The following DPP6 variants were observed in gnomAD, a reference collection of about 807,000 sequenced individuals.
DPP6 encodes the protein dipeptidyl peptidase like 6, also known as A-type potassium channel modulatory protein DPP6.
Under a neutral mutation model 122.6 loss-of-function variants are expected in DPP6, and 69 were observed. The observed-to-expected ratio is 0.56, with a 90% confidence interval of 0.46 to 0.69. DPP6 has a LOEUF of 0.69. Among genes scored for constraint, DPP6 ranks in the 30% least tolerant of loss-of-function variants. DPP6 has a pLI of 0.00. For synonymous variants in DPP6, 418 were observed against 433.1 expected, an observed-to-expected ratio of 0.97 and a Z score of 0.43; for missense variants, 928 against 1,116.9, an observed-to-expected ratio of 0.83 and a Z score of 2.41.
chr7:154,186,586 C>T (rs1204854277), intron 1 of DPP6, among the ~76,000 whole-genome samples: 3 of 152,190 alleles, frequency 2.0e-5, no homozygotes, highest in African/African-American at 7.2e-5. Context: ...GACTTGGGGT[C>T]CCAAGCTAGT....
At chr7:154,627,449 C>T (rs1162802818) in intron 5 of DPP6, among the ~76,000 whole-genome samples, 7 of 151,998 alleles carry the variant, frequency 4.6e-5, no homozygotes, top group African/African-American at 9.6e-5. Context: ...CCACCTGCCT[C>T]GGCCTCCCAA....
intron 3 of DPP6, among the ~76,000 whole-genome samples, chr7:154,512,921 A>G (rs1049882249): frequency 6.6e-6 from 1 of 152,206 alleles, no homozygotes. Flanking sequence ...AGACTAGACG[A>G]TGGCTTTCTT....
At chr7:153,833,440 G>A in the DPP6 span, among the ~76,000 whole-genome samples, 5 of 152,274 alleles carry the variant, frequency 3.3e-5, no homozygotes, top group East Asian at 3.9e-4. Flanking sequence ...TTGGGAGGCT[G>A]AGGCGGGCGG....
chr7:154,416,686 CA>C (rs200105914), intron 1 of DPP6, among the ~76,000 whole-genome samples: 914 of 38,058 alleles, frequency 0.024, 10 homozygotes, highest in African/African-American at 0.046. Context: ...CACCAAGGAT[CA>C]GGGGAGCAAT....
intron 1 of DPP6, among the ~76,000 whole-genome samples, chr7:154,011,176 C>A (rs191578741): frequency 1.6e-3 from 240 of 152,328 alleles, no homozygotes; most frequent in Non-Finnish European, 3.0e-3. Context: ...AAATTACTCC[C>A]TTAACCCAGC....
chr7:154,076,633 A>G (rs1230668959), intron 1 of DPP6, among the ~76,000 whole-genome samples: 1 of 150,422 alleles, frequency 6.6e-6, no homozygotes, highest in South Asian at 2.2e-4. Context: ...GAAATACAGG[A>G]TGCGTACCAA....
intron 16 of DPP6, among the ~76,000 whole-genome samples, chr7:154,839,979 G>T (rs974539912): frequency 2.0e-5 from 3 of 152,176 alleles, no homozygotes; most frequent in Non-Finnish European, 2.9e-5. Context: ...GAGATGGGAG[G>T]TATTTAGCAG....
chr7:153,937,174 C>T (rs1359290413), intron 1 of DPP6, among the ~76,000 whole-genome samples: 2 of 152,128 alleles, frequency 1.3e-5, no homozygotes, highest in African/African-American at 4.8e-5. Flanking sequence ...AGTTCTAGGG[C>T]CACCCTTAGG....
chr7:154,294,219 C>T (rs1805389782), intron 1 of DPP6, among the ~76,000 whole-genome samples: 1 of 152,150 alleles, frequency 6.6e-6, no homozygotes, highest in Non-Finnish European at 1.5e-5. Flanking sequence ...GTAACAAGCA[C>T]TTCCCATAAG....
chr7:153,879,155 A>G, the DPP6 span, among the ~76,000 whole-genome samples: 1 of 152,130 alleles, frequency 6.6e-6, no homozygotes, highest in Non-Finnish European at 1.5e-5. Flanking sequence ...ATATCTCTAG[A>G]TGAATGCACT....
At chr7:154,193,559 C>T (rs922198758) in intron 1 of DPP6, among the ~76,000 whole-genome samples, 8 of 152,006 alleles carry the variant, frequency 5.3e-5, no homozygotes, top group African/African-American at 1.4e-4. Flanking sequence ...GTCTCAGGAC[C>T]GCAGGGCCAG....
At chr7:153,892,560 C>T (rs753310617) in intron 1 of DPP6, among the ~76,000 whole-genome samples, 15 of 152,206 alleles carry the variant, frequency 9.9e-5, no homozygotes, top group Non-Finnish European at 1.6e-4. Context: ...GTGGTCTGCC[C>T]GTCTCGGCCC....
At chr7:154,047,022 CG>C in intron 1 of DPP6, among the ~76,000 whole-genome samples, 1 of 150,664 alleles carries the variant, frequency 6.6e-6, no homozygotes, top group East Asian at 1.9e-4. Context: ...CAGGAAAAGA[CG>C]TTGCATTTGA....
At chr7:153,984,206 G>C (rs1796730259) in intron 1 of DPP6, among the ~76,000 whole-genome samples, 2 of 152,106 alleles carry the variant, frequency 1.3e-5, no homozygotes, top group South Asian at 2.1e-4. Flanking sequence ...TATCTCAATT[G>C]TTAGGTCAGA....
At chr7:154,188,011 A>G (rs1423634536) in intron 1 of DPP6, among the ~76,000 whole-genome samples, 3 of 152,034 alleles carry the variant, frequency 2.0e-5, no homozygotes, top group Non-Finnish European at 4.4e-5. Context: ...TCTGGCTCCA[A>G]CATTCCGTAC....
intron 16 of DPP6, among the ~76,000 whole-genome samples, chr7:154,834,556 A>G (rs1209747708): frequency 6.6e-6 from 1 of 152,202 alleles, no homozygotes; most frequent in Non-Finnish European, 1.5e-5. Flanking sequence ...AAGAACTGCA[A>G]AGAGCATCTA....
intron 1 of DPP6, among the ~76,000 whole-genome samples, chr7:154,300,606 A>AG (rs1486828608): frequency 3.9e-5 from 6 of 152,106 alleles, no homozygotes; most frequent in Non-Finnish European, 8.8e-5. Context: ...AGCACTTTGG[A>AG]GGGGTCTGAA....
rs192593933 is a variant in DPP6, at chr7:154,154,605, A to T, written c.243+101542A>T. Among the ~76,000 whole-genome samples the T allele has an allele frequency of 8.9e-3, 1,360 of 152,372 alleles. 15 individuals carry two copies. The highest frequency in any genetic ancestry group is 0.024 in the South Asian group (115 of 4,830). ...TTGTTATTGAAGTTTACAGAACAAA[A>T]CCATAGATGGAACCCAAGAATTCTT... On this transcript the variant is annotated intron_variant, in intron 1 of 25. Transcript: ENST00000377770.
chr7:154,515,388 G>A (rs927894467), intron 3 of DPP6, among the ~76,000 whole-genome samples: 5 of 152,182 alleles, frequency 3.3e-5, no homozygotes, highest in African/African-American at 9.7e-5. Flanking sequence ...GTGCATGAGA[G>A]GCCAGAGGAC....
Sources: allele counts gnomAD v4.1 joint callset (sites outside exome capture counted in the v4.1 genomes callset), GRCh38; gene constraint gnomAD v4.1.1; transcripts MANE v1.5; gene names NCBI Gene and HGNC (gene_info 2026-07-23, HGNC 2026-07-21).